Variants in LAMP5 observed in about 807,000 individuals in gnomAD.
The protein encoded by LAMP5 is lysosome associated membrane protein 5.
Under a neutral mutation model 30.2 loss-of-function variants are expected in LAMP5, and 36 were observed. That is an observed-to-expected ratio of 1.19 (90% CI 0.91 to 1.57). LAMP5 has a LOEUF of 1.57. LAMP5 is among the 40% of genes most tolerant of loss of function. The pLI, the probability that LAMP5 is intolerant of heterozygous loss-of-function variation, is 0.00. For missense variants in LAMP5, 377 were observed against 354.9 expected (o/e 1.06, Z -0.50); for synonymous variants, 149 against 134.6 (o/e 1.11, Z -0.74).
At chr20:9,522,080 CTG>C (rs1236585899) in intron 5 of LAMP5, among the ~76,000 whole-genome samples, 5 of 152,182 alleles carry the variant, frequency 3.3e-5, no homozygotes, top group Non-Finnish European at 7.3e-5. Context: ...CTCCTAGAAC[CTG>C]TCTTTGGGTA....
intron 4 of LAMP5, 57 bp downstream of exon 4, chr20:9,516,418 G>A (rs2122829569): frequency 7.3e-7 from 1 of 1,374,328 alleles, no homozygotes; most frequent in East Asian, 2.3e-5. Flanking sequence ...GAACAGGCTT[G>A]GAGAGAGAAT....
chr20:9,521,021 C>T (rs1004471832), intron 5 of LAMP5, among the ~76,000 whole-genome samples: 2 of 152,274 alleles, frequency 1.3e-5, no homozygotes, highest in African/African-American at 4.8e-5. Context: ...TCTCAGGTGA[C>T]ACTGCTGGCC....
In LAMP5 at chr20:9,514,748, C is replaced by G. The variant is rs2045021604; in HGVS notation, c.-105C>G. On this transcript the variant is annotated 5_prime_UTR_variant, in exon 1 of 6. Transcript: ENST00000246070. ...CTCCCTCCCTCCCCCTTCTCTGTCCCCCGCCTCTCGCTCACCCCGGCCCAC... is the reference window on the plus strand; with the variant it reads ...CTCCCTCCCTCCCCCTTCTCTGTCCGCCGCCTCTCGCTCACCCCGGCCCAC... 3 of 1,002,260 alleles carry G rather than the reference C, an allele frequency of 3.0e-6. No homozygotes were observed. The highest frequency in any genetic ancestry group is 1.4e-5 in the South Asian group (1 of 71,814). The allele number at this position is 1,002,260 out of a possible 1,614,324, so 62.1% of individuals were successfully genotyped here.
chr20:9,516,179 G>A (rs1171140904), intron 3 of LAMP5, 48 bp downstream of exon 3: 1 of 1,603,246 alleles, frequency 6.2e-7, no homozygotes, highest in African/African-American at 1.3e-5. Flanking sequence ...CCGCGTGGGT[G>A]TGGGAAGTGG....
intron 5 of LAMP5, among the ~76,000 whole-genome samples, chr20:9,522,237 T>C (rs2122839754): frequency 6.6e-6 from 1 of 152,298 alleles, no homozygotes; most frequent in Admixed American, 6.5e-5. Context: ...AGCATCATGA[T>C]TGGGAGACGC....
At chr20:9,526,213 A>T (rs931029261) in intron 5 of LAMP5, among the ~76,000 whole-genome samples, 1 of 152,204 alleles carries the variant, frequency 6.6e-6, no homozygotes, top group Non-Finnish European at 1.5e-5. Context: ...TTTAACACAG[A>T]CTTAGCCTTA....
intron 5 of LAMP5, among the ~76,000 whole-genome samples, chr20:9,519,992 G>C (rs933569203): frequency 2.0e-5 from 3 of 152,212 alleles, no homozygotes; most frequent in African/African-American, 7.2e-5. Flanking sequence ...ATAAGGAGCA[G>C]AGCTACTTTC....
chr20:9,526,848 ATGTG>A (rs199927844), intron 5 of LAMP5, among the ~76,000 whole-genome samples: 1 of 108,336 alleles, frequency 9.2e-6, no homozygotes, highest in African/African-American at 3.7e-5. Flanking sequence ...ACATATACAT[ATGTG>A]TGTGTGTGTA....
intron 5 of LAMP5, among the ~76,000 whole-genome samples, chr20:9,524,595 T>TAA (rs748114210): frequency 0.023 from 1,860 of 82,158 alleles, 48 homozygotes; most frequent in African/African-American, 0.058. Context: ...CAGATCGAAC[T>TAA]AAAAAAAAAA....
intron 5 of LAMP5, among the ~76,000 whole-genome samples, chr20:9,524,704 A>G (rs557498032): frequency 3.3e-5 from 5 of 152,040 alleles, no homozygotes; most frequent in African/African-American, 7.2e-5. Flanking sequence ...CAATTTATAT[A>G]TTACATAAGA....
At chr20:9,519,754 T>G (rs6039484) in intron 5 of LAMP5, among the ~76,000 whole-genome samples, 31,518 of 152,124 alleles carry the variant, frequency 0.21, 4,288 homozygotes, top group African/African-American at 0.39. Flanking sequence ...TGCTTTTGAG[T>G]TTATATGGGT....
At chr20:9,515,033 G>A in intron 1 of LAMP5, 117 bp downstream of exon 1, 2 of 996,222 alleles carry the variant, frequency 2.0e-6, no homozygotes, top group East Asian at 5.2e-5. Flanking sequence ...GTTTTGCGGT[G>A]TTTTTTCTTT....
At chr20:9,519,252 T>C (rs919363163) in intron 5 of LAMP5, among the ~76,000 whole-genome samples, 1 of 152,246 alleles carries the variant, frequency 6.6e-6, no homozygotes, top group Non-Finnish European at 1.5e-5. Context: ...GCTTTGTTTA[T>C]GCCTTTCTTT....
At chr20:9,516,170 C>T in intron 3 of LAMP5, 39 bp downstream of exon 3, 1 of 1,593,920 alleles carries the variant, frequency 6.3e-7, no homozygotes, top group Non-Finnish European at 8.6e-7. Context: ...CCGCAGGCTC[C>T]GCGTGGGTGT....
intron 5 of LAMP5, among the ~76,000 whole-genome samples, chr20:9,519,637 A>T (rs2122835812): frequency 6.6e-6 from 1 of 152,390 alleles, no homozygotes; most frequent in East Asian, 1.9e-4. Context: ...TATTAAGCAT[A>T]ATCAAGTATA....
intron 5 of LAMP5, among the ~76,000 whole-genome samples, chr20:9,521,903 C>A (rs761298171): frequency 6.6e-6 from 1 of 152,178 alleles, no homozygotes; most frequent in Non-Finnish European, 1.5e-5. Context: ...ATTTAAAAGA[C>A]ATCACATATA....
chr20:9,522,970 A>ATTTTT (rs2045088888), intron 5 of LAMP5, among the ~76,000 whole-genome samples: 2 of 119,966 alleles, frequency 1.7e-5, no homozygotes, highest in South Asian at 2.6e-4. Context: ...TAATACTTAA[A>ATTTTT]TCTTTTTTTT....
At chr20:9,515,764 G>C in intron 2 of LAMP5, 139 bp downstream of exon 2, 1 of 1,035,804 alleles carries the variant, frequency 9.7e-7, no homozygotes, top group Non-Finnish European at 1.4e-6. Context: ...GCTGCATGGG[G>C]ATTCCAGCTT....
At chr20:9,523,331 T>C (rs538685918) in intron 5 of LAMP5, among the ~76,000 whole-genome samples, 1 of 152,120 alleles carries the variant, frequency 6.6e-6, no homozygotes, top group Admixed American at 6.6e-5. Context: ...TTTCAGTCCA[T>C]GGTGCTAGGA....
Sources: allele counts gnomAD v4.1 joint callset (sites outside exome capture counted in the v4.1 genomes callset), GRCh38; gene constraint gnomAD v4.1.1; transcripts MANE v1.5; gene names NCBI Gene and HGNC (gene_info 2026-07-23, HGNC 2026-07-21).